NRG1: variants seen among roughly 807,000 people sequenced by gnomAD.
NRG1 encodes the protein pro-neuregulin-1, membrane-bound isoform.
Under a neutral mutation model 63.8 loss-of-function variants are expected in NRG1, and 18 were observed. That is an observed-to-expected ratio of 0.28 (90% CI 0.19 to 0.42). The LOEUF (loss-of-function observed/expected upper bound fraction) is 0.42, where lower values mean the gene tolerates loss of function less well. Among genes scored for constraint, NRG1 ranks in the 10% least tolerant of loss-of-function variants. NRG1 has a pLI of 1.00. For synonymous variants in NRG1, 302 were observed against 301.3 expected (o/e 1.00, Z -0.02); for missense variants, 762 against 814.7 (o/e 0.94, Z 0.79).
At chr8:32,605,866 A>G (rs111944120) in intron 3 of NRG1, among the ~76,000 whole-genome samples, 183 bp downstream of exon 3, 3 of 152,284 alleles carry the variant, frequency 2.0e-5, no homozygotes, top group Admixed American at 6.5e-5. Context: ...CTATGAGATT[A>G]TATAGACCTG....
At chr8:32,334,326 T>C (rs189614294) in intron 1 of NRG1, among the ~76,000 whole-genome samples, 1 of 152,270 alleles carries the variant, frequency 6.6e-6, no homozygotes, top group East Asian at 1.9e-4. Context: ...AAGCTCAGTG[T>C]AATCTTAGAA....
intron 1 of NRG1, among the ~76,000 whole-genome samples, chr8:32,329,305 G>A (rs1292124793): frequency 6.6e-6 from 1 of 152,052 alleles, no homozygotes; most frequent in Non-Finnish European, 1.5e-5. Flanking sequence ...TCTTGTATTT[G>A]TTAACCATGA....
At chr8:32,222,832 A>G (rs1481133856) in intron 1 of NRG1, among the ~76,000 whole-genome samples, 1 of 152,178 alleles carries the variant, frequency 6.6e-6, no homozygotes, top group East Asian at 1.9e-4. Context: ...ATGGCTGGAG[A>G]AAGTGACCAG....
At chr8:32,420,191 G>A (rs919001978) in intron 1 of NRG1, among the ~76,000 whole-genome samples, 4 of 152,164 alleles carry the variant, frequency 2.6e-5, no homozygotes, top group African/African-American at 4.8e-5. Flanking sequence ...AGCCAAGTGC[G>A]TACAGCTCCC....
intron 1 of NRG1, among the ~76,000 whole-genome samples, chr8:31,651,908 GCTCT>G (rs1057200692): frequency 6.6e-6 from 1 of 151,884 alleles, no homozygotes; most frequent in East Asian, 1.9e-4. Flanking sequence ...TTTCTTTTTG[GCTCT>G]CTATCTGAAC....
chr8:31,947,944 CAAAAAAAA>C (rs55953491), intron 1 of NRG1, among the ~76,000 whole-genome samples: 3 of 32,968 alleles, frequency 9.1e-5, no homozygotes, highest in South Asian at 2.9e-3. Context: ...GACTCCATCT[CAAAAAAAA>C]AAAAAAAAAA....
chr8:31,763,391 G>A (rs536749112), intron 1 of NRG1, among the ~76,000 whole-genome samples: 22 of 152,252 alleles, frequency 1.4e-4, no homozygotes, highest in South Asian at 6.2e-4. Flanking sequence ...TGTCATTGCC[G>A]TTTAGATACC....
At chr8:32,528,514 A>T (rs2129516724) in intron 1 of NRG1, among the ~76,000 whole-genome samples, 1 of 152,314 alleles carries the variant, frequency 6.6e-6, no homozygotes, top group African/African-American at 2.4e-5. Context: ...ACAGAAGTTT[A>T]TTTTTAAGCC....
At chr8:31,816,893 T>A (rs953842133) in intron 1 of NRG1, among the ~76,000 whole-genome samples, 5 of 152,232 alleles carry the variant, frequency 3.3e-5, no homozygotes, top group Non-Finnish European at 5.9e-5. Flanking sequence ...ATTCACATGC[T>A]GATTGATTTA....
chr8:32,652,155 C>T (rs2129547645), intron 5 of NRG1, among the ~76,000 whole-genome samples: 1 of 152,262 alleles, frequency 6.6e-6, no homozygotes, highest in South Asian at 2.1e-4. Context: ...AGAGTTGGAG[C>T]TAGAGACGAA....
At chr8:32,748,358 CAGAGAGAGAGAGAGAGAG>C (rs34657847) in intron 7 of NRG1, among the ~76,000 whole-genome samples, 2 of 121,962 alleles carry the variant, frequency 1.6e-5, no homozygotes, top group African/African-American at 5.9e-5. Context: ...CACACACACA[CAGAGAGAGAGAGAGAGAG>C]AGAGAGAGAG....
chr8:32,609,059 T>C (rs1845837336), intron 3 of NRG1, among the ~76,000 whole-genome samples: 1 of 152,162 alleles, frequency 6.6e-6, no homozygotes, highest in Non-Finnish European at 1.5e-5. Context: ...GCCGGAAACA[T>C]AGCTGCCCGG....
chr8:31,728,459 A>G (rs1176033065), intron 1 of NRG1, among the ~76,000 whole-genome samples: 2 of 152,192 alleles, frequency 1.3e-5, no homozygotes, highest in Non-Finnish European at 1.5e-5. Context: ...AATGTTACGT[A>G]GTATTCATAT....
At position 32,647,413 on chromosome 8, in the gene NRG1, G is replaced by T. The variant is rs142061020; in HGVS notation, c.502+30528G>T. On this transcript the variant is annotated intron_variant, in intron 5 of 11. Coordinates refer to ENST00000356819, the Ensembl canonical transcript of NRG1. Reference sequence around the variant, plus strand: ...TAATTAATCAGCCGGCAGCTCCGTCGATCTATTTTCGTCCCTGTCCTCTTG... The same window carrying T: ...TAATTAATCAGCCGGCAGCTCCGTCTATCTATTTTCGTCCCTGTCCTCTTG... 8.1e-6 allele frequency: 8 copies of T among 985,334 alleles called. No individual in the cohort carries two copies. The East Asian group carries it at 5.7e-4, about 70-fold the overall frequency. The allele number at this position is 985,334 out of a possible 1,614,324, so 61.0% of individuals were successfully genotyped here. A position where few individuals can be genotyped will look rare whatever the true frequency, so the allele number is the denominator to read the frequency against.
At chr8:31,870,549 A>G (rs575829716) in intron 1 of NRG1, among the ~76,000 whole-genome samples, 1 of 152,246 alleles carries the variant, frequency 6.6e-6, no homozygotes, top group African/African-American at 2.4e-5. Flanking sequence ...GATTTTCACC[A>G]TTTTATTAAT....
intron 1 of NRG1, among the ~76,000 whole-genome samples, chr8:31,817,829 A>C (rs1381665496): frequency 6.6e-6 from 1 of 152,230 alleles, no homozygotes; most frequent in Non-Finnish European, 1.5e-5. Context: ...ACTTGTCTAA[A>C]ATTTCTTTTG....
chr8:32,642,763 C>T (rs1419203085), intron 5 of NRG1, among the ~76,000 whole-genome samples: 1 of 152,118 alleles, frequency 6.6e-6, no homozygotes, highest in Non-Finnish European at 1.5e-5. Context: ...CAAGAATAAA[C>T]TTTTTCAGTG....
At chr8:31,680,153 T>C (rs1374406617) in intron 1 of NRG1, among the ~76,000 whole-genome samples, 3 of 152,144 alleles carry the variant, frequency 2.0e-5, no homozygotes, top group South Asian at 2.1e-4. Context: ...ATTTTTTTAT[T>C]ATTATACTTT....
chr8:32,264,069 C>T (rs993675061), intron 1 of NRG1, among the ~76,000 whole-genome samples: 6 of 152,066 alleles, frequency 3.9e-5, no homozygotes, highest in Admixed American at 6.6e-5. Flanking sequence ...TAATAACACA[C>T]TGTCATGGGG....
Sources: allele counts gnomAD v4.1 joint callset (sites outside exome capture counted in the v4.1 genomes callset), GRCh38; gene constraint gnomAD v4.1.1; transcripts MANE v1.5; gene names NCBI Gene and HGNC (gene_info 2026-07-23, HGNC 2026-07-21).